Variants in ZNF521 observed in about 807,000 individuals in gnomAD.
ZNF521 encodes the protein zinc finger protein 521, also known as LYST-interacting protein 3.
A neutral mutation model predicts 105.5 loss-of-function variants in ZNF521; 14 were observed. That is an observed-to-expected ratio of 0.13 (90% CI 0.09 to 0.21). The LOEUF (loss-of-function observed/expected upper bound fraction) is 0.21, where lower values mean the gene tolerates loss of function less well. ZNF521 is among the 10% of genes least tolerant of loss of function. The probability of loss-of-function intolerance (pLI) is 1.00; values close to 1 mark genes in which losing one functional copy is unlikely to be tolerated. For missense variants in ZNF521, 1,233 were observed against 1,629.7 expected (o/e 0.76, Z 4.19); for synonymous variants, 635 against 606.0 (o/e 1.05, Z -0.70).
In ZNF521 at chr18:25,224,833, C is replaced by T; in HGVS notation, c.3085G>A (p.Val1029Met). ...ATTTTGAGTTCCAAGGTGGAGGTCA[C>T]TGTCTGCATGCACACCACGCAGCGA... is the stretch of plus-strand genomic sequence containing the variant. ...GFRCVVCMQT[V>M]TSTLELKIHG... The change falls in exon 4 of 8, where the codon GTG (valine) becomes ATG (methionine). Residue 1029 changes from valine to methionine, a missense_variant. Val to Met is a conservative substitution (Grantham distance 21). Coordinates refer to ENST00000361524, the MANE Select transcript of ZNF521 (RefSeq NM_015461.3). 6.2e-7 allele frequency: 1 copy of T among 1,614,080 alleles called. No homozygotes were observed. The highest frequency in any genetic ancestry group is 8.5e-7 in the Non-Finnish European group (1 of 1,180,026).
intron 4 of ZNF521, among the ~76,000 whole-genome samples, chr18:25,212,563 A>ATATATATATATATATATATATG (rs1211491286): frequency 7.8e-6 from 1 of 128,954 alleles, no homozygotes; most frequent in African/African-American, 3.1e-5. Flanking sequence ...ATATATATAT[A>ATATATATATATATATATATATG]TATGTATAGA....
At chr18:25,192,098 C>CT (rs1211568074) in intron 5 of ZNF521, among the ~76,000 whole-genome samples, 1 of 152,076 alleles carries the variant, frequency 6.6e-6, no homozygotes, top group Non-Finnish European at 1.5e-5. Context: ...TTTTGTAGCT[C>CT]TTTTTGCGTG....
chr18:25,262,958 C>T (rs576172714), intron 3 of ZNF521, among the ~76,000 whole-genome samples: 1 of 152,200 alleles, frequency 6.6e-6, no homozygotes, highest in African/African-American at 2.4e-5. Flanking sequence ...AACTTAGATA[C>T]CACTGGTGAG....
intron 3 of ZNF521, among the ~76,000 whole-genome samples, chr18:25,268,008 C>T (rs1909388548): frequency 4.6e-5 from 7 of 152,038 alleles, no homozygotes; most frequent in Admixed American, 4.6e-4. Flanking sequence ...ATGTTCTAAC[C>T]CAATGCAAGG....
Position 25,212,394 on chromosome 18 carries a change from C to T in ZNF521, c.3573+11951G>A, listed in dbSNP as rs192505176. ...GCATGGTGGCGCACACCTGTAGTCT[C>T]AGCTACTTGGGAGGCTGAGGCAGGA... On this transcript the variant is annotated intron_variant, in intron 4 of 7. Transcript: ENST00000361524. Among the ~76,000 whole-genome samples, 368 of 149,318 alleles carry T rather than the reference C, an allele frequency of 2.5e-3. 1 individual carries two copies. The highest frequency in any genetic ancestry group is 4.3e-3 in the Non-Finnish European group (289 of 67,340).
chr18:25,089,975 T>C (rs1370709229), intron 6 of ZNF521, among the ~76,000 whole-genome samples: 1 of 152,180 alleles, frequency 6.6e-6, no homozygotes. Flanking sequence ...AAGTTATAGC[T>C]AGCAAACAGT....
intron 3 of ZNF521, among the ~76,000 whole-genome samples, chr18:25,246,482 CCCAT>C: frequency 6.6e-6 from 1 of 152,006 alleles, no homozygotes. Context: ...TCCTTTTTCC[CCCAT>C]CCAACTAATC....
chr18:25,309,653 A>T lies in ZNF521; in HGVS notation c.220+12355T>A, dbSNP rs1216738884. ...GTGAAAAGCAAATATTTTGCATAGA[A>T]AATAAAATTAGGTATAAGAAATAGT... On this transcript the variant is annotated intron_variant, in intron 3 of 7. Coordinates refer to ENST00000361524, the MANE Select transcript of ZNF521 (RefSeq NM_015461.3). Among the ~76,000 whole-genome samples, 19 of 152,310 alleles carry T rather than the reference A, an allele frequency of 1.2e-4. No homozygotes were observed. In the East Asian group the frequency reaches 3.7e-3, roughly 29 times the overall value.
At chr18:25,280,961 G>A (rs938475014) in intron 3 of ZNF521, among the ~76,000 whole-genome samples, 48 of 151,920 alleles carry the variant, frequency 3.2e-4, no homozygotes, top group Non-Finnish European at 1.9e-4. Context: ...ATCCCTTTCC[G>A]CTCATACTAT....
chr18:25,129,069 T>A (rs1019311884), intron 5 of ZNF521, among the ~76,000 whole-genome samples: 6 of 151,742 alleles, frequency 4.0e-5, no homozygotes, highest in African/African-American at 1.5e-4. Context: ...ACTACAGAAA[T>A]CAAGATAGTA....
intron 7 of ZNF521, among the ~76,000 whole-genome samples, chr18:25,065,387 T>C (rs575140936): frequency 6.6e-6 from 1 of 152,306 alleles, no homozygotes; most frequent in East Asian, 1.9e-4. Flanking sequence ...ATGCACAAAA[T>C]TATTGAAAAT....
intron 3 of ZNF521, among the ~76,000 whole-genome samples, chr18:25,305,675 A>G (rs964243833): frequency 2.0e-5 from 3 of 152,186 alleles, no homozygotes; most frequent in African/African-American, 7.2e-5. Flanking sequence ...ACAATAACAC[A>G]TTAATTCTTT....
intron 3 of ZNF521, among the ~76,000 whole-genome samples, chr18:25,240,137 G>T (rs1451427894): frequency 6.6e-6 from 1 of 152,032 alleles, no homozygotes; most frequent in African/African-American, 2.4e-5. Flanking sequence ...AAATACTCTG[G>T]ACTGCCTCAC....
At chr18:25,309,137 C>T (rs766259351) in intron 3 of ZNF521, among the ~76,000 whole-genome samples, 7 of 152,096 alleles carry the variant, frequency 4.6e-5, no homozygotes, top group South Asian at 2.1e-4. Context: ...AGGAAGTTAG[C>T]GGTAATGGAA....
At chr18:25,180,347 G>A (rs1334514401) in intron 5 of ZNF521, among the ~76,000 whole-genome samples, 1 of 152,034 alleles carries the variant, frequency 6.6e-6, no homozygotes, top group Non-Finnish European at 1.5e-5. Flanking sequence ...CCCATGTGAT[G>A]GTACATTTCA....
At chr18:25,096,188 A>G (rs1296854074) in intron 5 of ZNF521, among the ~76,000 whole-genome samples, 2 of 152,196 alleles carry the variant, frequency 1.3e-5, no homozygotes, top group Non-Finnish European at 2.9e-5. Flanking sequence ...GTAAATATTT[A>G]CTCCAATATT....
At chr18:25,178,072 A>G (rs1385850100) in intron 5 of ZNF521, among the ~76,000 whole-genome samples, 1 of 152,140 alleles carries the variant, frequency 6.6e-6, no homozygotes, top group African/African-American at 2.4e-5. Flanking sequence ...TTCAAAAGGA[A>G]CTCTGCTAAA....
At chr18:25,096,455 G>T (rs900272825) in intron 5 of ZNF521, among the ~76,000 whole-genome samples, 2 of 152,222 alleles carry the variant, frequency 1.3e-5, no homozygotes, top group African/African-American at 4.8e-5. Context: ...TTTAAATTAT[G>T]AGCTCCAAGG....
At chr18:25,250,629 C>G (rs946840802) in intron 3 of ZNF521, among the ~76,000 whole-genome samples, 1 of 152,158 alleles carries the variant, frequency 6.6e-6, no homozygotes, top group African/African-American at 2.4e-5. Flanking sequence ...AATGTGTTAT[C>G]TTCCAAATAG....
Sources: gnomAD v4.1 joint callset for allele counts (sites outside exome capture counted in the v4.1 genomes callset) on GRCh38, gnomAD v4.1.1 for gene constraint, MANE v1.5 for transcripts, NCBI Gene and HGNC (gene_info 2026-07-23, HGNC 2026-07-21) for gene names.